The following ASIC2 variants were observed in gnomAD, a reference collection of about 807,000 sequenced individuals.
ASIC2 encodes acid-sensing ion channel 2.
ASIC2 carries 25 observed loss-of-function variants against 57.3 expected under a neutral mutation model. The observed-to-expected ratio is 0.44, with a 90% CI of 0.32 to 0.61. The LOEUF is 0.61. Among genes scored for constraint, ASIC2 ranks in the 20% least tolerant of loss-of-function variants. The pLI, the probability that ASIC2 is intolerant of heterozygous loss-of-function variation, is 0.06. For synonymous variants in ASIC2, 319 were observed against 307.5 expected, an observed-to-expected ratio of 1.04 and a Z score of -0.39; for missense variants, 641 against 738.1, an observed-to-expected ratio of 0.87 and a Z score of 1.52.
At chr17:33,499,947 A>G (rs1914051994) in intron 1 of ASIC2, among the ~76,000 whole-genome samples, 1 of 152,172 alleles carries the variant, frequency 6.6e-6, no homozygotes, top group Non-Finnish European at 1.5e-5. Flanking sequence ...TAGACTGTGA[A>G]GTCATAGAAG....
rs1375019274 is a variant in ASIC2, at chr17:34,038,596, A to G, written c.555+117382T>C. The G allele has an allele frequency of 2.5e-6, 4 of 1,604,052 alleles. No homozygotes were observed. In the African/African-American group the frequency reaches 4.0e-5, roughly 16 times the overall value. ...TTGGATGATATTTAAATTGTGAATT[A>G]TCTTCATTATGTATCCTTTTTACTT... On this transcript the variant is annotated intron_variant, in intron 1 of 9. Coordinates refer to the ASIC2 transcript ENST00000359872.
At chr17:33,543,694 T>A (rs1915492755) in intron 1 of ASIC2, among the ~76,000 whole-genome samples, 1 of 152,196 alleles carries the variant, frequency 6.6e-6, no homozygotes, top group African/African-American at 2.4e-5. Context: ...TTACCTCGCT[T>A]AGTACTCTCA....
chr17:33,786,124 C>T (rs986495808), intron 1 of ASIC2, among the ~76,000 whole-genome samples: 1 of 152,146 alleles, frequency 6.6e-6, no homozygotes, highest in Non-Finnish European at 1.5e-5. Context: ...GTGCCCCCCC[C>T]TTGATCATGT....
Position 33,670,184 on chromosome 17 carries a change from A to G in ASIC2, c.555+485794T>C, listed in dbSNP as rs542830503. Among the ~76,000 whole-genome samples, 59 of 152,208 alleles carry G rather than the reference A, an allele frequency of 3.9e-4. 2 individuals carry two copies. In the South Asian group the frequency reaches 0.012, roughly 31 times the overall value. On this transcript the variant is annotated intron_variant, in intron 1 of 9. Transcript: ENST00000359872. ...TCAGCCATGTCCAGCAGAGATTGAA[A>G]ACCATGGGGCACCCTGCAAATGTTC... is the stretch of plus-strand genomic sequence containing the variant.
chr17:33,544,457 A>G lies in ASIC2; in HGVS notation c.556-432390T>C, dbSNP rs1041769540. ...TAAGTGTATGTTTAACTTTGCAAGAACCTACTGAACCATTTTCTAAACTTT... is the reference window on the plus strand; with the variant it reads ...TAAGTGTATGTTTAACTTTGCAAGAGCCTACTGAACCATTTTCTAAACTTT... On this transcript the variant is annotated intron_variant, in intron 1 of 9. Transcript: ENST00000359872. 2.6e-5 allele frequency among the ~76,000 whole-genome samples: 4 copies of G among 152,148 alleles called. No homozygotes were observed. The South Asian group carries it at 8.3e-4, about 32-fold the overall frequency.
chr17:33,582,704 T>C (rs1306061301), intron 1 of ASIC2, among the ~76,000 whole-genome samples: 9 of 152,288 alleles, frequency 5.9e-5, no homozygotes, highest in African/African-American at 2.2e-4. Context: ...AATGATCTGA[T>C]TTCAATTTTT....
At chr17:33,591,195 C>G (rs1442010047) in intron 1 of ASIC2, among the ~76,000 whole-genome samples, 1 of 152,224 alleles carries the variant, frequency 6.6e-6, no homozygotes, top group Non-Finnish European at 1.5e-5. Context: ...TACTGGCTGC[C>G]TGTCTGGTTT....
intron 3 of ASIC2, among the ~76,000 whole-genome samples, chr17:33,050,772 C>T (rs1270850823): frequency 3.3e-5 from 5 of 151,976 alleles, no homozygotes; most frequent in African/African-American, 4.8e-5. Context: ...TGGACCATGG[C>T]CCTCCTGCTT....
chr17:34,047,869 A>C (rs527280977), intron 1 of ASIC2, among the ~76,000 whole-genome samples: 1 of 152,372 alleles, frequency 6.6e-6, no homozygotes, highest in African/African-American at 2.4e-5. Flanking sequence ...CCACTCGGAC[A>C]AAGTTTACAC....
At chr17:33,311,693 G>A (rs1179881738) in intron 1 of ASIC2, among the ~76,000 whole-genome samples, 1 of 152,130 alleles carries the variant, frequency 6.6e-6, no homozygotes, top group African/African-American at 2.4e-5. Context: ...GAGTGGGGTG[G>A]CAGGTATCCC....
At chr17:33,347,830 G>T (rs922640332) in intron 1 of ASIC2, among the ~76,000 whole-genome samples, 1 of 152,208 alleles carries the variant, frequency 6.6e-6, no homozygotes, top group Non-Finnish European at 1.5e-5. Flanking sequence ...TGCTGGGCAT[G>T]GTTGTTCATG....
intron 1 of ASIC2, among the ~76,000 whole-genome samples, chr17:33,963,125 A>T (rs1418593148): frequency 6.6e-6 from 1 of 152,166 alleles, no homozygotes; most frequent in Non-Finnish European, 1.5e-5. Flanking sequence ...CACTTGCCCC[A>T]GGGTTGCACA....
intron 1 of ASIC2, among the ~76,000 whole-genome samples, chr17:33,250,437 C>T (rs1908841208): frequency 1.3e-5 from 2 of 152,184 alleles, no homozygotes; most frequent in East Asian, 3.9e-4. Flanking sequence ...AAGATCATGC[C>T]ACCAGCTCCC....
intron 1 of ASIC2, among the ~76,000 whole-genome samples, chr17:33,528,829 A>C (rs535932819): frequency 6.6e-6 from 1 of 152,314 alleles, no homozygotes; most frequent in East Asian, 1.9e-4. Flanking sequence ...GTCCAATACC[A>C]GCAACTCGTC....
At chr17:34,113,714 C>CAA (rs548561368) in intron 1 of ASIC2, among the ~76,000 whole-genome samples, 3 of 137,480 alleles carry the variant, frequency 2.2e-5, no homozygotes, top group South Asian at 2.3e-4. Context: ...CTTGTCTGTA[C>CAA]AAAAAAAAAA....
intron 1 of ASIC2, among the ~76,000 whole-genome samples, chr17:33,556,894 T>C (rs1915923975): frequency 6.6e-6 from 1 of 152,226 alleles, no homozygotes; most frequent in African/African-American, 2.4e-5. Context: ...CTGCTAGCAG[T>C]AGAACATGTC....
chr17:33,518,870 G>T (rs1381345749), intron 1 of ASIC2, among the ~76,000 whole-genome samples: 1 of 151,912 alleles, frequency 6.6e-6, no homozygotes, highest in Non-Finnish European at 1.5e-5. Flanking sequence ...ACCCAGGCTG[G>T]AGTACAGTGG....
chr17:34,040,069 G>T (rs1001024325), intron 1 of ASIC2, among the ~76,000 whole-genome samples: 13 of 145,098 alleles, frequency 9.0e-5, no homozygotes, highest in Non-Finnish European at 1.7e-4. Flanking sequence ...GGGGAGGGGG[G>T]GCACGAAGGC....
At chr17:33,167,628 C>T (rs1285843137) in intron 1 of ASIC2, among the ~76,000 whole-genome samples, 1 of 152,200 alleles carries the variant, frequency 6.6e-6, no homozygotes, top group Non-Finnish European at 1.5e-5. Flanking sequence ...CTCCCCACTG[C>T]CTACTGTATT....
Sources: allele counts gnomAD v4.1 joint callset (sites outside exome capture counted in the v4.1 genomes callset), GRCh38; gene constraint gnomAD v4.1.1; transcripts MANE v1.5; gene names NCBI Gene and HGNC (gene_info 2026-07-23, HGNC 2026-07-21).